Variants in NUMB observed in about 807,000 individuals in gnomAD.
The protein encoded by NUMB is NUMB endocytic adaptor protein.
In NUMB, 29 loss-of-function variants were observed where a neutral mutation model predicts 59.7. The ratio of observed to expected loss-of-function variants is 0.49; its 90% confidence interval spans 0.36 to 0.66. The LOEUF (loss-of-function observed/expected upper bound fraction) is 0.66, where lower values mean the gene tolerates loss of function less well. Ranked by LOEUF, NUMB falls within the 30% of genes least tolerant of loss-of-function variation. The probability of loss-of-function intolerance (pLI) is 0.00; values close to 1 mark genes in which losing one functional copy is unlikely to be tolerated. For synonymous variants in NUMB, 288 were observed against 288.2 expected (o/e 1.00, Z 0.01); for missense variants, 723 against 822.0 (o/e 0.88, Z 1.47).
At chr14:73,388,150 T>G (rs1167428472) in intron 2 of NUMB, among the ~76,000 whole-genome samples, 1 of 152,112 alleles carries the variant, frequency 6.6e-6, no homozygotes, top group African/African-American at 2.4e-5. Context: ...ACTAGCCACA[T>G]TTCAAGTGCT....
chr14:73,392,078 C>G (rs977288397), intron 2 of NUMB, among the ~76,000 whole-genome samples: 1 of 152,090 alleles, frequency 6.6e-6, no homozygotes, highest in Non-Finnish European at 1.5e-5. Context: ...TACCTTGATT[C>G]CTGTAGGATT....
intron 2 of NUMB, among the ~76,000 whole-genome samples, chr14:73,401,868 C>T (rs1896435167): frequency 6.7e-6 from 1 of 148,730 alleles, no homozygotes; most frequent in South Asian, 2.1e-4. Flanking sequence ...CACATCCGGC[C>T]TAAATTTGTT....
At chr14:73,444,208 G>C (rs911504700) in intron 1 of NUMB, among the ~76,000 whole-genome samples, 1 of 152,078 alleles carries the variant, frequency 6.6e-6, no homozygotes, top group African/African-American at 2.4e-5. Context: ...GACCACCCTG[G>C]CTAACACGGT....
At chr14:73,380,351 T>C (rs1388557970) in intron 2 of NUMB, among the ~76,000 whole-genome samples, 3 of 152,126 alleles carry the variant, frequency 2.0e-5, no homozygotes, top group Non-Finnish European at 4.4e-5. Flanking sequence ...CCATTTATTG[T>C]GAGATGCAGC....
chr14:73,405,599 A>G (rs1896622426), intron 2 of NUMB, among the ~76,000 whole-genome samples: 1 of 152,004 alleles, frequency 6.6e-6, no homozygotes, highest in Non-Finnish European at 1.5e-5. Flanking sequence ...CACTGTGCTC[A>G]GCAGCTTGGG....
intron 4 of NUMB, among the ~76,000 whole-genome samples, chr14:73,328,890 G>A (rs141817846): frequency 4.5e-4 from 68 of 152,182 alleles, no homozygotes; most frequent in African/African-American, 1.5e-3. Context: ...GTTCTGAGAC[G>A]GAGTCTCGTT....
At chr14:73,389,800 C>T (rs947645838) in intron 2 of NUMB, among the ~76,000 whole-genome samples, 6 of 152,152 alleles carry the variant, frequency 3.9e-5, no homozygotes, top group Non-Finnish European at 8.8e-5. Context: ...TGTATACCTC[C>T]TGATTTCCAC....
chr14:73,335,820 A>T (rs1594919715), intron 4 of NUMB, among the ~76,000 whole-genome samples: 1 of 152,240 alleles, frequency 6.6e-6, no homozygotes, highest in East Asian at 1.9e-4. Context: ...AAGGAGCTTT[A>T]CAGCATCTTA....
chr14:73,430,926 C>T (rs1003067617), intron 1 of NUMB, among the ~76,000 whole-genome samples: 4 of 151,522 alleles, frequency 2.6e-5, no homozygotes, highest in African/African-American at 9.7e-5. Flanking sequence ...GCCTGGGTGA[C>T]GGAGCCAGAC....
chr14:73,325,640 A>G (rs1891620980), intron 4 of NUMB, among the ~76,000 whole-genome samples: 1 of 152,194 alleles, frequency 6.6e-6, no homozygotes, highest in African/African-American at 2.4e-5. Flanking sequence ...TTAGGTTGAC[A>G]AGCCTGAACT....
chr14:73,394,981 A>G (rs927231994), intron 2 of NUMB, among the ~76,000 whole-genome samples: 1 of 150,480 alleles, frequency 6.6e-6, no homozygotes, highest in Non-Finnish European at 1.5e-5. Context: ...CTCCAGGTTC[A>G]TCCACAATGT....
In NUMB at chr14:73,367,348, T is replaced by TATATATATATATAG. The variant is rs1555375287; in HGVS notation, c.-100-368_-100-367insCTATATATATATAT. 2.4e-4 allele frequency among the ~76,000 whole-genome samples: 25 copies of TATATATATATATAG among 105,300 alleles called. 1 individual carries two copies. Among genetic ancestry groups the TATATATATATATAG allele is most frequent in the East Asian group, 1.7e-3 (7 of 4,002 alleles). The allele number at this position is 105,300 out of a possible 152,430, so 69.1% of individuals were successfully genotyped here. A position where few individuals can be genotyped will look rare whatever the true frequency, so the allele number is the denominator to read the frequency against. ...ATATATACATATATATATATATATA[T>TATATATATATATAG]AGAGAGAGAGAGAGAGAGAGAGAGA... is the stretch of plus-strand genomic sequence containing the variant. On this transcript the variant is annotated intron_variant, in intron 2 of 12. Transcript: ENST00000555238.
chr14:73,373,733 G>C (rs1315298823), intron 2 of NUMB, among the ~76,000 whole-genome samples: 2 of 146,106 alleles, frequency 1.4e-5, no homozygotes, highest in Admixed American at 1.4e-4. Flanking sequence ...TTTAAAGACA[G>C]GGTCTTACTC....
At chr14:73,451,317 G>A (rs1883953127) in intron 1 of NUMB, among the ~76,000 whole-genome samples, 1 of 150,902 alleles carries the variant, frequency 6.6e-6, no homozygotes, top group Non-Finnish European at 1.5e-5. Flanking sequence ...TGTGCCTGTA[G>A]TCCCAGCTAT....
intron 6 of NUMB, among the ~76,000 whole-genome samples, chr14:73,308,388 G>A (rs1167251871): frequency 6.6e-6 from 1 of 152,162 alleles, no homozygotes; most frequent in Non-Finnish European, 1.5e-5. Context: ...TTTGATTTGT[G>A]ACATATTAAA....
At chr14:73,310,366 A>G (rs1890713728) in intron 6 of NUMB, among the ~76,000 whole-genome samples, 1 of 152,232 alleles carries the variant, frequency 6.6e-6, no homozygotes, top group Admixed American at 6.5e-5. Flanking sequence ...CTCAATGTTT[A>G]AAATATTTGC....
intron 11 of NUMB, 80 bp from the exon 12 acceptor site, chr14:73,279,504 G>A: frequency 2.9e-6 from 4 of 1,366,854 alleles, no homozygotes; most frequent in Non-Finnish European, 4.0e-6. Flanking sequence ...TGTCAGTCAG[G>A]TGAATGTACA....
At chr14:73,382,447 C>CAAA (rs151055012) in intron 2 of NUMB, among the ~76,000 whole-genome samples, 1 of 132,896 alleles carries the variant, frequency 7.5e-6, no homozygotes. Context: ...ATTTTTATAG[C>CAAA]AAAAAAAAAA....
intron 2 of NUMB, among the ~76,000 whole-genome samples, chr14:73,367,505 G>A (rs1261217618): frequency 2.0e-5 from 3 of 151,776 alleles, no homozygotes; most frequent in Admixed American, 6.6e-5. Flanking sequence ...GGATCAATTT[G>A]GGCCATGCCT....
Sources: allele counts gnomAD v4.1 joint callset (sites outside exome capture counted in the v4.1 genomes callset), GRCh38; gene constraint gnomAD v4.1.1; transcripts MANE v1.5; gene names NCBI Gene and HGNC (gene_info 2026-07-23, HGNC 2026-07-21).